HAUS5: variants seen among roughly 807,000 people sequenced by gnomAD.
HAUS5 encodes the protein HAUS augmin like complex subunit 5, also known as HAUS augmin-like complex subunit 5.
In HAUS5, 67 loss-of-function variants were observed where a neutral mutation model predicts 94.1. That is an observed-to-expected ratio of 0.71 (90% CI 0.58 to 0.87). The LOEUF (loss-of-function observed/expected upper bound fraction) is 0.87. Ranked by LOEUF, HAUS5 falls within the 40% of genes least tolerant of loss-of-function variation. The pLI, the probability that HAUS5 is intolerant of heterozygous loss-of-function variation, is 0.00. For synonymous variants in HAUS5, 339 were observed against 355.4 expected (o/e 0.95, Z 0.52); for missense variants, 739 against 825.6 (o/e 0.90, Z 1.29).
rs1484117636 is a variant in HAUS5, at chr19:35,617,918, A to C, written c.696+6A>C. The stretch of plus-strand genomic sequence containing the variant: ...AGTGGCTGAGCTCAGTGGAGGTGAG[A>C]GGGCAGGGCTCTCAGGAAAGCCACA... On this transcript the variant is annotated splice_donor_region_variant and intron_variant, in intron 9 of 18. Transcript: ENST00000203166. 1 of 1,613,638 alleles carries C rather than the reference A, an allele frequency of 6.2e-7. No individual in the cohort carries two copies. The highest frequency in any genetic ancestry group is 1.3e-5 in the African/African-American group (1 of 74,862).
intron 13 of HAUS5, 86 bp downstream of exon 13, chr19:35,619,135 G>T (rs1280415749): frequency 7.4e-6 from 10 of 1,342,516 alleles, no homozygotes; most frequent in Non-Finnish European, 1.0e-5. Context: ...GCCCTGTGTG[G>T]TAGCACATGC....
At chr19:35,613,564 G>C in intron 1 of HAUS5, 166 bp from the exon 2 acceptor site, 2 of 576,676 alleles carry the variant, frequency 3.5e-6, no homozygotes, top group Admixed American at 3.4e-5. Context: ...GAGCGAGACT[G>C]TCTCTTAAAA....
chr19:35,619,032 C>A lies in HAUS5; in HGVS notation c.1162C>A (p.His388Asn). The A allele has an allele frequency of 1.3e-6, 2 of 1,596,318 alleles. No homozygotes were observed. Among genetic ancestry groups the A allele is most frequent in the Non-Finnish European group, 1.7e-6 (2 of 1,172,338 alleles). ...ELQAKQQRILHWRQLVEETQE... is the reference protein window; with the variant it reads ...ELQAKQQRILNWRQLVEETQE... Reference sequence around the variant, plus strand: ...ACAGGCCAAACAGCAGCGGATCCTGCACTGGCGCCAGCTGGTGGTGAGAGG... The same window carrying A: ...ACAGGCCAAACAGCAGCGGATCCTGAACTGGCGCCAGCTGGTGGTGAGAGG... Residue 388 changes from histidine to asparagine, a missense_variant, in exon 13 of 19, where the codon CAC becomes AAC. By Grantham distance (68) the His-to-Asn change is moderately conservative (BLOSUM62 1). Transcript: ENST00000203166.
At chr19:35,621,355 T>C (rs914130068) in intron 17 of HAUS5, among the ~76,000 whole-genome samples, 5 of 152,104 alleles carry the variant, frequency 3.3e-5, no homozygotes, top group African/African-American at 1.2e-4. Context: ...TTGCTTTTGT[T>C]TTTTTGAGAC....
Position 35,623,498 on chromosome 19 carries a change from A to C in HAUS5, c.*505A>C, listed in dbSNP as rs1270732498. ...TGGCTGAGTAAGGGCTTGCAGCTGGAGGCAACAGCACATGCAAAGGCCCTG... is the reference window on the plus strand; with the variant it reads ...TGGCTGAGTAAGGGCTTGCAGCTGGCGGCAACAGCACATGCAAAGGCCCTG... On this transcript the variant is annotated 3_prime_UTR_variant, in exon 19 of 19. Transcript: ENST00000203166. 6.3e-6 allele frequency: 1 copy of C among 158,566 alleles called. No homozygotes were observed. Among genetic ancestry groups the C allele is most frequent in the African/African-American group, 2.4e-5 (1 of 41,450 alleles). The allele number at this position is 158,566 out of a possible 1,614,324, so 9.8% of individuals were successfully genotyped here. A position where few individuals can be genotyped will look rare whatever the true frequency, so the allele number is the denominator to read the frequency against.
rs1967287472 is a variant in HAUS5, at chr19:35,625,212, G to A, written c.*2219G>A. The A allele has an allele frequency of 6.6e-6, 1 of 152,156 alleles. No homozygotes were observed. The highest frequency in any genetic ancestry group is 1.5e-5 in the Non-Finnish European group (1 of 68,042). The allele number at this position is 152,156 out of a possible 1,614,324, so 9.4% of individuals were successfully genotyped here. On this transcript the variant is annotated 3_prime_UTR_variant, in exon 19 of 19. Transcript: ENST00000203166. Reference sequence around the variant, plus strand: ...TTGAATTATATACTAAAGCAAATAAGTAGTGATGTAATGTCATTGGGGACC... The same window carrying A: ...TTGAATTATATACTAAAGCAAATAAATAGTGATGTAATGTCATTGGGGACC...
In HAUS5 at chr19:35,617,163, G is replaced by A. The variant is rs746058739; in HGVS notation, c.525G>A (p.Ser175=). ...KVDVTFGSLT[S]AALGLEPVVL... ...ATGTGACCTTTGGATCCCTCACGTCGGCAGCTCTGGGCCTGGAGCCCGTGG... is the reference window on the plus strand; with the variant it reads ...ATGTGACCTTTGGATCCCTCACGTCAGCAGCTCTGGGCCTGGAGCCCGTGG... The change falls in exon 7 of 19, where the codon TCG becomes TCA. Residue 175 remains serine, a synonymous_variant. Transcript: ENST00000203166. 33 of 1,614,008 alleles carry A rather than the reference G, an allele frequency of 2.0e-5. 1 individual carries two copies. The Admixed American group carries it at 2.3e-4, about 11-fold the overall frequency.
chr19:35,619,469 G>T lies in HAUS5; in HGVS notation c.1225G>T (p.Ala409Ser). ...CCGCCTGCTCATCAAGGGAAACTCG[G>T]CCAGCAAGACCCGCCTGTGCCGGAG... is the stretch of plus-strand genomic sequence containing the variant. The part of the protein sequence containing the change: ...QVRLLIKGNS[A>S]SKTRLCRSPG... The change falls in exon 14 of 19, where the codon GCC (alanine) becomes TCC (serine). Residue 409 changes from alanine to serine, a missense_variant. Ala to Ser is a moderately conservative substitution (Grantham distance 99). Transcript: ENST00000203166. 6.2e-7 allele frequency: 1 copy of T among 1,608,270 alleles called. No homozygotes were observed. Among genetic ancestry groups the T allele is most frequent in the Non-Finnish European group, 8.5e-7 (1 of 1,176,920 alleles).
Position 35,614,037 on chromosome 19 carries a change from A to G in HAUS5, c.197A>G (p.Tyr66Cys). Residue 66 changes from tyrosine to cysteine, a missense_variant and splice_region_variant, in exon 4 of 19, where the codon TAT (tyrosine) becomes TGT (cysteine). Coordinates refer to ENST00000203166, the MANE Select transcript of HAUS5 (RefSeq NM_015302.2). Reference sequence around the variant, plus strand: ...TGACTCTGGCCTCGTTTTCCTAGGTATGGCCACCAGGACAGTCCACAGGTG... The same window carrying G: ...TGACTCTGGCCTCGTTTTCCTAGGTGTGGCCACCAGGACAGTCCACAGGTG... The part of the protein sequence containing the change: ...VKKIRGNLLW[Y>C]GHQDSPQVRR... 1.2e-6 allele frequency: 2 copies of G among 1,613,866 alleles called. No homozygotes were observed. Among genetic ancestry groups the G allele is most frequent in the African/African-American group, 1.3e-5 (1 of 75,020 alleles).
chr19:35,617,944 C>A (rs1967125923), intron 9 of HAUS5, 32 bp downstream of exon 9: 3 of 1,611,170 alleles, frequency 1.9e-6, no homozygotes, highest in Non-Finnish European at 1.7e-6. Context: ...GAAAGCCACA[C>A]CCTCCCGCTC....
rs956355538 is a variant in HAUS5 at position 35,617,309 on chromosome 19, C to T, written c.578C>T (p.Thr193Ile). The T allele has an allele frequency of 6.2e-7, 1 of 1,613,936 alleles. No individual in the cohort carries two copies. Among genetic ancestry groups the T allele is most frequent in the East Asian group, 2.2e-5 (1 of 44,888 alleles). ...TAGCGTGATGTCCGAACAGCCTGCA[C>T]CCTCCGGGCCCAGTTCCTGCAGAAC... ...VVLRDVRTAC[T>I]LRAQFLQNLL... The change falls in exon 8 of 19, where the codon ACC (threonine) becomes ATC (isoleucine). Residue 193 changes from threonine to isoleucine, a missense_variant. Transcript: ENST00000203166.
chr19:35,622,837 G>T, intron 18 of HAUS5, 39 bp from the exon 19 acceptor site: 1 of 1,605,272 alleles, frequency 6.2e-7, no homozygotes, highest in African/African-American at 1.3e-5. Context: ...GGGTCTGGAG[G>T]GTCAGTCCTT....
intron 10 of HAUS5, 25 bp downstream of exon 10, chr19:35,618,220 T>C (rs769458606): frequency 5.6e-6 from 9 of 1,594,610 alleles, no homozygotes; most frequent in African/African-American, 2.7e-5. Flanking sequence ...ATTCTCACAG[T>C]TGGGGAAGGC....
intron 1 of HAUS5, 65 bp from the exon 2 acceptor site, chr19:35,613,665 C>T: frequency 6.8e-7 from 1 of 1,466,346 alleles, no homozygotes; most frequent in Non-Finnish European, 9.5e-7. Context: ...CACCATCACC[C>T]TAGGAATGAG....
intron 8 of HAUS5, among the ~76,000 whole-genome samples, 164 bp downstream of exon 8, chr19:35,617,533 A>G (rs1181466351): frequency 6.6e-6 from 1 of 152,184 alleles, no homozygotes; most frequent in Non-Finnish European, 1.5e-5. Flanking sequence ...AAACAGTGAC[A>G]GCCAGGTGGT....
In HAUS5 at chr19:35,617,463, G is replaced by A. The variant is rs529571686; in HGVS notation, c.638+94G>A. The A allele has an allele frequency of 3.3e-5, 26 of 796,180 alleles. 1 individual carries two copies. The highest frequency in any genetic ancestry group is 2.2e-4 in the African/African-American group (13 of 58,258). The allele number at this position is 796,180 out of a possible 1,614,324, so 49.3% of individuals were successfully genotyped here. On this transcript the variant is annotated intron_variant, in intron 8 of 18. Coordinates refer to ENST00000203166, the MANE Select transcript of HAUS5 (RefSeq NM_015302.2). ...AATTCCTCAGACACTGAGCTTCTGGGCTACGTTCTGTAGAAGGGGACTTCC... is the reference window on the plus strand; with the variant it reads ...AATTCCTCAGACACTGAGCTTCTGGACTACGTTCTGTAGAAGGGGACTTCC...
At chr19:35,619,121 C>T in intron 13 of HAUS5, 72 bp downstream of exon 13, 1 of 1,429,254 alleles carries the variant, frequency 7.0e-7, no homozygotes, top group Non-Finnish European at 9.3e-7. Flanking sequence ...AGAACTGGGC[C>T]TGAGCCCTGT....
In HAUS5 at chr19:35,622,748, T is replaced by C; in HGVS notation, c.1784+15T>C. On this transcript the variant is annotated intron_variant, in intron 18 of 18. Transcript: ENST00000203166. The stretch of plus-strand genomic sequence containing the variant: ...GTGGGGGACTGGTGAGAGGGGAACG[T>C]GCCGCGGATGGGAAACAGAAAAGTC... 6.2e-7 allele frequency: 1 copy of C among 1,613,718 alleles called. No individual in the cohort carries two copies. The highest frequency in any genetic ancestry group is 1.1e-5 in the South Asian group (1 of 91,072).
Position 35,622,965 on chromosome 19 carries a change from A to G in HAUS5, c.1874A>G (p.Gln625Arg), listed in dbSNP as rs1188574468. 6.2e-7 allele frequency: 1 copy of G among 1,612,312 alleles called. No individual in the cohort carries two copies. The highest frequency in any genetic ancestry group is 8.5e-7 in the Non-Finnish European group (1 of 1,179,082). The change falls in exon 19 of 19, where the codon CAG (glutamine) becomes CGG (arginine). Residue 625 changes from glutamine to arginine, a missense_variant. By Grantham distance (43) the Gln-to-Arg change is conservative. Transcript: ENST00000203166. ...PQWRLRWVQA[Q>R]GALQKLCS ...TGGCGGCTGCGCTGGGTTCAGGCCC[A>G]GGGGGCCCTGCAGAAGCTGTGCAGC...
Sources: allele counts gnomAD v4.1 joint callset (sites outside exome capture counted in the v4.1 genomes callset), GRCh38; gene constraint gnomAD v4.1.1; transcripts MANE v1.5; gene names NCBI Gene and HGNC (gene_info 2026-07-23, HGNC 2026-07-21).